The following CCDC170 variants were observed in gnomAD, a reference collection of about 807,000 sequenced individuals.
The protein encoded by CCDC170 is coiled-coil domain containing 170.
In CCDC170, 69 loss-of-function variants were observed where a neutral mutation model predicts 72.6. The ratio of observed to expected loss-of-function variants is 0.95; its 90% confidence interval spans 0.78 to 1.16. CCDC170 has a LOEUF of 1.16. Among genes scored for constraint, CCDC170 ranks in the 50% most tolerant of loss-of-function variants. The probability of loss-of-function intolerance (pLI) is 0.00; values close to 1 mark genes in which losing one functional copy is unlikely to be tolerated. For missense variants in CCDC170, 852 were observed against 832.5 expected, an observed-to-expected ratio of 1.02 and a Z score of -0.29; for synonymous variants, 300 against 303.9, an observed-to-expected ratio of 0.99 and a Z score of 0.13.
At chr6:151,555,409 C>A (rs1236328259) in intron 5 of CCDC170, among the ~76,000 whole-genome samples, 1 of 152,110 alleles carries the variant, frequency 6.6e-6, no homozygotes, top group Non-Finnish European at 1.5e-5. Flanking sequence ...TAAGAAATGA[C>A]TAGATGAGAT....
At chr6:151,494,960 A>G (rs952448352) in intron 1 of CCDC170, among the ~76,000 whole-genome samples, 1 of 152,116 alleles carries the variant, frequency 6.6e-6, no homozygotes, top group Non-Finnish European at 1.5e-5. Flanking sequence ...GAGATGGGGG[A>G]ATTGTGTTCA....
intron 5 of CCDC170, among the ~76,000 whole-genome samples, chr6:151,550,997 C>T (rs987907588): frequency 1.3e-5 from 2 of 152,002 alleles, no homozygotes; most frequent in African/African-American, 2.4e-5. Context: ...AAAGTAATTG[C>T]GGTTTTTGCA....
At chr6:151,591,269 C>T (rs1263801357) in intron 7 of CCDC170, among the ~76,000 whole-genome samples, 2 of 152,010 alleles carry the variant, frequency 1.3e-5, no homozygotes, top group Non-Finnish European at 2.9e-5. Context: ...AAGATAAAAC[C>T]CAAATCATAA....
intron 5 of CCDC170, among the ~76,000 whole-genome samples, chr6:151,564,221 T>A (rs1776092069): frequency 6.6e-6 from 1 of 152,196 alleles, no homozygotes; most frequent in African/African-American, 2.4e-5. Context: ...GCACTTTGGC[T>A]CTGATTGTGG....
At chr6:151,552,698 C>T (rs7767221) in intron 5 of CCDC170, among the ~76,000 whole-genome samples, 137,098 of 151,612 alleles carry the variant, frequency 0.9, 62,135 homozygotes, top group East Asian at 1. Context: ...AAGTCTTCCT[C>T]GATCTCTGGC....
chr6:151,494,113 C>T lies in CCDC170; in HGVS notation c.-16C>T. On this transcript the variant is annotated 5_prime_UTR_variant, in exon 1 of 11. Coordinates refer to ENST00000239374, the MANE Select transcript of CCDC170 (RefSeq NM_025059.4). ...GCCGGTTCCGGGTCCGAGCGCGCCC[C>T]CGGGCTCGGGTCGTCATGAGCCTGG... 1 of 1,496,048 alleles carries T rather than the reference C, an allele frequency of 6.7e-7. No homozygotes were observed. The highest frequency in any genetic ancestry group is 1.4e-5 in the African/African-American group (1 of 69,084). The allele number at this position is 1,496,048 out of a possible 1,614,324, so 92.7% of individuals were successfully genotyped here. A position where few individuals can be genotyped will look rare whatever the true frequency, so the allele number is the denominator to read the frequency against.
At chr6:151,547,290 G>A (rs1782791315) in intron 4 of CCDC170, among the ~76,000 whole-genome samples, 1 of 152,148 alleles carries the variant, frequency 6.6e-6, no homozygotes, top group South Asian at 2.1e-4. Flanking sequence ...GTCTATGCTC[G>A]CCTAGAGATT....
In CCDC170 at chr6:151,585,881, G is replaced by A; in HGVS notation, c.1093-8G>A. On this transcript the variant is annotated splice_polypyrimidine_tract_variant and splice_region_variant and intron_variant, in intron 6 of 10. Coordinates refer to ENST00000239374, the MANE Select transcript of CCDC170 (RefSeq NM_025059.4). Reference sequence around the variant, plus strand: ...AGGCTTATTCTTGATCTGTTTCTTTGTTTCCAGATGGTCTCCCAGCTTGAA... The same window carrying A: ...AGGCTTATTCTTGATCTGTTTCTTTATTTCCAGATGGTCTCCCAGCTTGAA... 1.2e-6 allele frequency: 2 copies of A among 1,612,154 alleles called. No homozygotes were observed. Among genetic ancestry groups the A allele is most frequent in the Non-Finnish European group, 1.7e-6 (2 of 1,179,030 alleles).
intron 6 of CCDC170, among the ~76,000 whole-genome samples, chr6:151,582,122 G>C (rs1223322062): frequency 6.6e-6 from 1 of 152,244 alleles, no homozygotes; most frequent in African/African-American, 2.4e-5. Flanking sequence ...CTGAAGCTTT[G>C]AAGGCAGGCA....
chr6:151,562,636 C>G (rs912473947), intron 5 of CCDC170, among the ~76,000 whole-genome samples: 2 of 152,124 alleles, frequency 1.3e-5, no homozygotes, highest in African/African-American at 4.8e-5. Flanking sequence ...TTCTGTAGGG[C>G]TGGGGGTGCA....
intron 1 of CCDC170, among the ~76,000 whole-genome samples, chr6:151,498,505 C>G (rs913397293): frequency 4.6e-5 from 7 of 152,228 alleles, no homozygotes; most frequent in Non-Finnish European, 7.3e-5. Flanking sequence ...AAGCCATCTT[C>G]AAACCTTTGT....
At position 151,596,416 on chromosome 6, in the gene CCDC170, G is replaced by A. The variant is rs1330787191; in HGVS notation, c.1549G>A (p.Glu517Lys). The part of the protein sequence containing the change: ...LRQKIAQLEE[E>K]KQARTALVVE... ...GCAGAAAATAGCCCAGCTGGAGGAG[G>A]AGAAGCAGGCACGCACGGCCTTGGT... Residue 517 changes from glutamate to lysine, a missense_variant, in exon 9 of 11, where the codon GAG becomes AAG. Coordinates refer to ENST00000239374, the MANE Select transcript of CCDC170 (RefSeq NM_025059.4). 1.2e-6 allele frequency: 2 copies of A among 1,614,194 alleles called. No homozygotes were observed. The highest frequency in any genetic ancestry group is 1.7e-6 in the Non-Finnish European group (2 of 1,180,030).
At chr6:151,615,414 G>A (rs772125004) in intron 9 of CCDC170, 29 bp from the exon 10 acceptor site, 2 of 1,459,948 alleles carry the variant, frequency 1.4e-6, no homozygotes, top group Non-Finnish European at 1.9e-6. Flanking sequence ...AATACAAAAG[G>A]AGTTATCAGC....
At chr6:151,503,405 G>A (rs141366329) in intron 1 of CCDC170, among the ~76,000 whole-genome samples, 75 of 152,162 alleles carry the variant, frequency 4.9e-4, no homozygotes, top group African/African-American at 1.6e-3. Context: ...CAGCAAGAGC[G>A]GTGCCAGGCC....
At chr6:151,555,821 G>C (rs1373312429) in intron 5 of CCDC170, among the ~76,000 whole-genome samples, 1 of 152,216 alleles carries the variant, frequency 6.6e-6, no homozygotes, top group African/African-American at 2.4e-5. Context: ...TGGCTAAACA[G>C]CCTTAGATCT....
At chr6:151,604,705 C>T (rs73617524) in intron 9 of CCDC170, among the ~76,000 whole-genome samples, 4,405 of 152,182 alleles carry the variant, frequency 0.029, 177 homozygotes, top group African/African-American at 0.093. Flanking sequence ...CAAATCTGAA[C>T]ATTCATCTTT....
intron 1 of CCDC170, among the ~76,000 whole-genome samples, chr6:151,513,716 T>C (rs2115027600): frequency 6.6e-6 from 1 of 150,398 alleles, no homozygotes; most frequent in Admixed American, 6.6e-5. Context: ...TCAGGGGTTC[T>C]AGACCAGCCT....
At chr6:151,523,318 T>C (rs183533795) in intron 1 of CCDC170, among the ~76,000 whole-genome samples, 3 of 152,288 alleles carry the variant, frequency 2.0e-5, no homozygotes, top group Admixed American at 2.0e-4. Context: ...TCACAGAAGC[T>C]ATTTAATTTT....
intron 5 of CCDC170, among the ~76,000 whole-genome samples, chr6:151,554,638 C>A (rs910707490): frequency 6.6e-6 from 1 of 151,884 alleles, no homozygotes; most frequent in Non-Finnish European, 1.5e-5. Context: ...GTAGAAGAAT[C>A]GCTTGAACCT....
Sources: gnomAD v4.1 joint callset for allele counts (sites outside exome capture counted in the v4.1 genomes callset) on GRCh38, gnomAD v4.1.1 for gene constraint, MANE v1.5 for transcripts, NCBI Gene and HGNC (gene_info 2026-07-23, HGNC 2026-07-21) for gene names.